Variants in AGO3 observed in about 807,000 individuals in gnomAD.
AGO3 encodes argonaute RISC catalytic component 3.
A neutral mutation model predicts 105.5 loss-of-function variants in AGO3; 16 were observed. That is an observed-to-expected ratio of 0.15 (90% CI 0.10 to 0.23). The LOEUF is 0.23. Ranked by LOEUF, AGO3 falls within the 10% of genes least tolerant of loss-of-function variation. The pLI is 1.00. For synonymous variants in AGO3, 340 were observed against 367.3 expected (o/e 0.93, Z 0.85); for missense variants, 534 against 1,088.0 (o/e 0.49, Z 7.16).
At chr1:36,037,030 T>C (rs1176993296) in intron 14 of AGO3, among the ~76,000 whole-genome samples, 1 of 151,660 alleles carries the variant, frequency 6.6e-6, no homozygotes, top group Non-Finnish European at 1.5e-5. Context: ...CTCCTGTTTT[T>C]AACATCTGCC....
At chr1:35,997,853 C>G (rs1351491301) in intron 5 of AGO3, among the ~76,000 whole-genome samples, 1 of 152,066 alleles carries the variant, frequency 6.6e-6, no homozygotes, top group African/African-American at 2.4e-5. Flanking sequence ...CCTGCCACCA[C>G]GCCCAGCTAA....
At chr1:35,963,949 T>G (rs762720448) in intron 2 of AGO3, among the ~76,000 whole-genome samples, 5 of 151,226 alleles carry the variant, frequency 3.3e-5, no homozygotes, top group Non-Finnish European at 7.4e-5. Flanking sequence ...AATTCAGCTC[T>G]AGATATATTC....
intron 3 of AGO3, among the ~76,000 whole-genome samples, chr1:35,967,412 T>TATTTC (rs1400440626): frequency 1.3e-5 from 2 of 151,682 alleles, no homozygotes; most frequent in Non-Finnish European, 3.0e-5. Context: ...TATTTTATTT[T>TATTTC]ATTTTATTTT....
At chr1:35,988,227 T>C (rs1647296106) in intron 5 of AGO3, among the ~76,000 whole-genome samples, 3 of 152,208 alleles carry the variant, frequency 2.0e-5, no homozygotes, top group Admixed American at 2.0e-4. Flanking sequence ...TTTTTGATAA[T>C]ACATATGCAT....
At chr1:36,036,325 G>A in intron 14 of AGO3, 58 bp downstream of exon 14, 1 of 1,480,236 alleles carries the variant, frequency 6.8e-7, no homozygotes, top group Admixed American at 2.0e-5. Context: ...CAATTTTGCA[G>A]TTTCAACTTT....
In AGO3 at chr1:36,071,273, T is replaced by C. The variant is rs1363527124; in HGVS notation, c.*15528T>C. 1 of 152,166 alleles carries C rather than the reference T, an allele frequency of 6.6e-6. No individual in the cohort carries two copies. Among genetic ancestry groups the C allele is most frequent in the African/African-American group, 2.4e-5 (1 of 41,440 alleles). The allele number at this position is 152,166 out of a possible 1,614,324, so 9.4% of individuals were successfully genotyped here. ...AAATAGCATTCTTTTAAAAGGGGCTTTTCTGAAGAGTAAAATGTAAATACA... is the reference window on the plus strand; with the variant it reads ...AAATAGCATTCTTTTAAAAGGGGCTCTTCTGAAGAGTAAAATGTAAATACA... On this transcript the variant is annotated 3_prime_UTR_variant, in exon 19 of 19. Coordinates refer to ENST00000373191, the MANE Select transcript of AGO3 (RefSeq NM_024852.4).
chr1:36,014,498 A>G (rs559052925), intron 11 of AGO3, among the ~76,000 whole-genome samples: 1 of 150,942 alleles, frequency 6.6e-6, no homozygotes, highest in South Asian at 2.2e-4. Context: ...TTGACCAGGC[A>G]CAGTGGCTCA....
At chr1:36,047,318 A>C (rs78827365) in intron 17 of AGO3, among the ~76,000 whole-genome samples, 1,697 of 152,164 alleles carry the variant, frequency 0.011, 39 homozygotes, top group African/African-American at 0.037. Context: ...AAAAGAACCA[A>C]ACAGAAATCT....
intron 5 of AGO3, among the ~76,000 whole-genome samples, chr1:35,994,667 C>T (rs1648100714): frequency 6.6e-6 from 1 of 152,062 alleles, no homozygotes; most frequent in East Asian, 1.9e-4. Context: ...AGAATTAGTA[C>T]ATGAATTTAG....
intron 9 of AGO3, among the ~76,000 whole-genome samples, chr1:36,012,395 A>G (rs764454332): frequency 6.6e-6 from 1 of 151,972 alleles, no homozygotes; most frequent in Non-Finnish European, 1.5e-5. Flanking sequence ...GAGAGATTCT[A>G]TATAGCAGCA....
intron 2 of AGO3, among the ~76,000 whole-genome samples, chr1:35,955,623 C>A (rs1646550876): frequency 6.7e-6 from 1 of 149,610 alleles, no homozygotes; most frequent in South Asian, 2.1e-4. Context: ...AGACAGGAGT[C>A]TCACTCTGTC....
At chr1:35,997,619 A>G (rs143644292) in intron 5 of AGO3, among the ~76,000 whole-genome samples, 1 of 152,280 alleles carries the variant, frequency 6.6e-6, no homozygotes, top group African/African-American at 2.4e-5. Context: ...TATTAAAAGC[A>G]TTTTCGCCTT....
chr1:36,013,593 A>G, intron 9 of AGO3, 37 bp from the exon 10 acceptor site: 1 of 1,609,990 alleles, frequency 6.2e-7, no homozygotes, highest in Non-Finnish European at 8.5e-7. Flanking sequence ...GATTTGGGGG[A>G]ATTTTGAGAG....
At chr1:35,989,147 G>A (rs142144881) in intron 5 of AGO3, among the ~76,000 whole-genome samples, 69 of 152,302 alleles carry the variant, frequency 4.5e-4, no homozygotes, top group African/African-American at 1.6e-3. Flanking sequence ...AGTCTCACTG[G>A]TTGAGGGATG....
intron 5 of AGO3, chr1:35,983,014 G>C (rs761149282): frequency 5.5e-6 from 1 of 181,042 alleles, no homozygotes; most frequent in Non-Finnish European, 1.1e-5. Flanking sequence ...TTGGGGGCAG[G>C]CTGTCAGGAA....
At chr1:36,038,252 C>CT (rs781058020) in intron 14 of AGO3, among the ~76,000 whole-genome samples, 89,604 of 112,566 alleles carry the variant, frequency 0.8, 36,895 homozygotes, top group East Asian at 0.96. Flanking sequence ...TGGATTTATT[C>CT]TTTTTTTTTT....
At chr1:36,014,262 A>C (rs145933020) in intron 11 of AGO3, among the ~76,000 whole-genome samples, 1 of 151,570 alleles carries the variant, frequency 6.6e-6, no homozygotes, top group South Asian at 2.1e-4. Context: ...AGGCTCAAGC[A>C]ATTCTCCTGC....
At chr1:35,982,657 A>C in intron 5 of AGO3, 1 of 717,378 alleles carries the variant, frequency 1.4e-6, no homozygotes, top group Non-Finnish European at 2.6e-6. Flanking sequence ...GAATAGATAG[A>C]GGAGAAAAAA....
At chr1:35,998,194 C>T (rs1442653588) in intron 5 of AGO3, among the ~76,000 whole-genome samples, 1 of 152,056 alleles carries the variant, frequency 6.6e-6, no homozygotes, top group African/African-American at 2.4e-5. Context: ...AACTCCCCTC[C>T]TTTCTGTTTT....
Sources: gnomAD v4.1 joint callset for allele counts (sites outside exome capture counted in the v4.1 genomes callset) on GRCh38, gnomAD v4.1.1 for gene constraint, MANE v1.5 for transcripts, NCBI Gene and HGNC (gene_info 2026-07-23, HGNC 2026-07-21) for gene names.